Variants in SETD2 observed in about 807,000 individuals in gnomAD.
SETD2 encodes the protein histone-lysine N-methyltransferase SETD2.
Under a neutral mutation model 242.1 loss-of-function variants are expected in SETD2, and 31 were observed. That is an observed-to-expected ratio of 0.13 (90% CI 0.10 to 0.17). SETD2 has a LOEUF of 0.17. Among genes scored for constraint, SETD2 ranks in the 10% least tolerant of loss-of-function variants. SETD2 has a pLI of 1.00. For missense variants in SETD2, 2,481 were observed against 3,046.3 expected (o/e 0.81, Z 4.37); for synonymous variants, 1,006 against 1,066.5 (o/e 0.94, Z 1.11).
At chr3:47,069,489 A>C (rs1166085028) in intron 12 of SETD2, among the ~76,000 whole-genome samples, 3 of 152,218 alleles carry the variant, frequency 2.0e-5, no homozygotes, top group Admixed American at 1.3e-4. Flanking sequence ...TGGATGCCAG[A>C]CATGCGTATT....
chr3:47,065,497 GA>G (rs1169525336), intron 13 of SETD2, among the ~76,000 whole-genome samples: 1 of 152,082 alleles, frequency 6.6e-6, no homozygotes, highest in Non-Finnish European at 1.5e-5. Context: ...TGTGCTGGAA[GA>G]AAGGAAGGAA....
At chr3:47,101,888 C>A (rs1002250597) in intron 7 of SETD2, among the ~76,000 whole-genome samples, 2 of 152,102 alleles carry the variant, frequency 1.3e-5, no homozygotes, top group African/African-American at 4.8e-5. Context: ...TAAAGATTCA[C>A]TTGTACTAAA....
chr3:47,053,358 C>T (rs1362827448), intron 15 of SETD2, among the ~76,000 whole-genome samples: 2 of 152,168 alleles, frequency 1.3e-5, no homozygotes, highest in Non-Finnish European at 2.9e-5. Flanking sequence ...GTAGTTTTCA[C>T]CATTTTTAAC....
rs955362850 is a variant in SETD2, at chr3:47,016,581, A to G, written c.*512T>C. On this transcript the variant is annotated 3_prime_UTR_variant, in exon 21 of 21. Transcript: ENST00000409792. The stretch of plus-strand genomic sequence containing the variant: ...CAGCCTGCTTTAGAATATTTACATG[A>G]TAACAAATTAAACCTTGCAGGAGAA... 1.3e-5 allele frequency: 3 copies of G among 233,926 alleles called. No individual in the cohort carries two copies. The highest frequency in any genetic ancestry group is 6.0e-5 in the East Asian group (1 of 16,600). 14.5% of individuals were successfully genotyped at this position (233,926 alleles called of 1,614,324 possible).
At chr3:47,032,916 G>GA (rs994149742) in intron 18 of SETD2, among the ~76,000 whole-genome samples, 110 of 141,670 alleles carry the variant, frequency 7.8e-4, no homozygotes, top group South Asian at 2.9e-3. Flanking sequence ...TCTCAGAGAT[G>GA]AAAAAAAAAA....
At chr3:47,081,456 T>C (rs2041315295) in intron 12 of SETD2, among the ~76,000 whole-genome samples, 1 of 152,204 alleles carries the variant, frequency 6.6e-6, no homozygotes, top group Admixed American at 6.5e-5. Flanking sequence ...CTAATAAAGG[T>C]TGGTTGAATA....
chr3:47,065,000 A>G (rs1250803361), intron 13 of SETD2, among the ~76,000 whole-genome samples: 1 of 152,036 alleles, frequency 6.6e-6, no homozygotes, highest in Non-Finnish European at 1.5e-5. Flanking sequence ...CTCCACAATA[A>G]TTTGCAAATA....
In SETD2 at chr3:47,099,719, C is replaced by G. The variant is rs192617258; in HGVS notation, c.5016-1638G>C. Among the ~76,000 whole-genome samples, 37 of 152,198 alleles carry G rather than the reference C, an allele frequency of 2.4e-4. 1 individual carries two copies. In the East Asian group the frequency reaches 5.4e-3, roughly 22 times the overall value. ...CAATGTCCTAGGCTCAAGTGATCCT[C>G]CCACCTCACCCTCCTGAGTAGCTGG... is the stretch of plus-strand genomic sequence containing the variant. On this transcript the variant is annotated intron_variant, in intron 8 of 20. Transcript: ENST00000409792.
At chr3:47,074,136 G>C (rs2040947891) in intron 12 of SETD2, among the ~76,000 whole-genome samples, 1 of 152,142 alleles carries the variant, frequency 6.6e-6, no homozygotes, top group Admixed American at 6.5e-5. Context: ...ATAATATGCA[G>C]TTCTGAAAAA....
intron 2 of SETD2, 60 bp downstream of exon 2, chr3:47,126,588 C>A: frequency 1.2e-6 from 1 of 862,702 alleles, no homozygotes; most frequent in Non-Finnish European, 1.8e-6. Context: ...TACCCAATTT[C>A]TAAAATGTGT....
intron 3 of SETD2, among the ~76,000 whole-genome samples, chr3:47,118,471 C>T (rs1333728763): frequency 6.6e-6 from 1 of 151,978 alleles, no homozygotes; most frequent in Admixed American, 6.6e-5. Flanking sequence ...CCTGTAATCC[C>T]AGTACTTTGG....
chr3:47,038,043 C>G (rs947389542), intron 17 of SETD2, among the ~76,000 whole-genome samples: 1 of 152,166 alleles, frequency 6.6e-6, no homozygotes, highest in South Asian at 2.1e-4. Flanking sequence ...ACCCAAACAT[C>G]CTGTCTGTCT....
intron 1 of SETD2, among the ~76,000 whole-genome samples, chr3:47,147,917 C>CAAAAAAAA: frequency 1.9e-5 from 1 of 52,126 alleles, no homozygotes; most frequent in Non-Finnish European, 4.0e-5. Flanking sequence ...GACTCTGTCT[C>CAAAAAAAA]AAAAAAAAAA....
chr3:47,097,008 A>G (rs1021279893), intron 9 of SETD2, among the ~76,000 whole-genome samples: 3 of 152,010 alleles, frequency 2.0e-5, no homozygotes, highest in Non-Finnish European at 4.4e-5. Flanking sequence ...TTTGTGCTCA[A>G]TTGATGTTAC....
intron 12 of SETD2, among the ~76,000 whole-genome samples, chr3:47,073,102 G>A (rs2040897793): frequency 6.7e-6 from 1 of 149,846 alleles, no homozygotes; most frequent in Non-Finnish European, 1.5e-5. Context: ...AGTGAGCTAA[G>A]ATAGCACCAC....
chr3:47,111,233 T>C (rs777586948), intron 5 of SETD2, among the ~76,000 whole-genome samples: 1 of 152,078 alleles, frequency 6.6e-6, no homozygotes, highest in East Asian at 1.9e-4. Context: ...TTGAGTTCTG[T>C]ATCAACAGTG....
chr3:47,143,087 G>A (rs762854192), intron 1 of SETD2, among the ~76,000 whole-genome samples: 1 of 152,174 alleles, frequency 6.6e-6, no homozygotes, highest in Non-Finnish European at 1.5e-5. Context: ...AGCCCAAGGA[G>A]CTCAAGACTA....
At chr3:47,087,972 CAAACA>C in intron 10 of SETD2, 136 bp downstream of exon 10, 1 of 834,800 alleles carries the variant, frequency 1.2e-6, no homozygotes, top group Non-Finnish European at 1.7e-6. Flanking sequence ...TCTAAACAAA[CAAACA>C]AACAAACAAA....
Position 47,050,723 on chromosome 3 carries a change from CTTTT to C in SETD2, c.6964-4106_6964-4103del, listed in dbSNP as rs775259096. ...CTCAACCTGTATACATTTCCTCTCTCTTTTTTTTTTTTTTTTTTTTTTTTTGAGA... is the reference window on the plus strand; with the variant it reads ...CTCAACCTGTATACATTTCCTCTCTCTTTTTTTTTTTTTTTTTTTTTGAGA... On this transcript the variant is annotated intron_variant, in intron 15 of 20. Transcript: ENST00000409792. 1.2e-3 allele frequency among the ~76,000 whole-genome samples: 81 copies of C among 66,876 alleles called. 1 individual carries two copies. Among genetic ancestry groups the C allele is most frequent in the East Asian group, 4.7e-3 (9 of 1,900 alleles). The allele number at this position is 66,876 out of a possible 152,430, so 43.9% of individuals were successfully genotyped here. A position where few individuals can be genotyped will look rare whatever the true frequency, so the allele number is the denominator to read the frequency against.
Sources: gnomAD v4.1 joint callset for allele counts (sites outside exome capture counted in the v4.1 genomes callset) on GRCh38, gnomAD v4.1.1 for gene constraint, MANE v1.5 for transcripts, NCBI Gene and HGNC (gene_info 2026-07-23, HGNC 2026-07-21) for gene names.